The following CPED1 variants were observed in gnomAD, a reference collection of about 807,000 sequenced individuals.
CPED1 encodes cadherin like and PC-esterase domain containing 1.
Under a neutral mutation model 128.2 loss-of-function variants are expected in CPED1, and 114 were observed. The observed-to-expected ratio is 0.89, with a 90% CI of 0.76 to 1.04. The LOEUF (loss-of-function observed/expected upper bound fraction) is 1.04, where lower values mean the gene tolerates loss of function less well. CPED1 is among the 50% of genes least tolerant of loss of function. The pLI, the probability that CPED1 is intolerant of heterozygous loss-of-function variation, is 0.00. For missense variants in CPED1, 1,211 were observed against 1,207.1 expected (o/e 1.00, Z -0.05); for synonymous variants, 462 against 426.7 (o/e 1.08, Z -1.02).
intron 7 of CPED1, among the ~76,000 whole-genome samples, chr7:121,120,591 G>A (rs1029319250): frequency 1.3e-5 from 2 of 151,956 alleles, no homozygotes; most frequent in Non-Finnish European, 2.9e-5. Flanking sequence ...ATTCTGCTCC[G>A]GTTTCTCATT....
intron 18 of CPED1, among the ~76,000 whole-genome samples, chr7:121,265,165 G>A (rs1431377169): frequency 6.6e-6 from 1 of 152,034 alleles, no homozygotes; most frequent in Non-Finnish European, 1.5e-5. Context: ...AGCAGATGTT[G>A]AATGCAAATC....
chr7:121,112,447 G>A (rs979425185), intron 7 of CPED1, among the ~76,000 whole-genome samples: 3 of 147,562 alleles, frequency 2.0e-5, no homozygotes, highest in South Asian at 2.2e-4. Flanking sequence ...AAGACAGACA[G>A]TAGAGTTTTG....
Position 121,105,034 on chromosome 7 carries a change from A to G in CPED1, c.918+4940A>G, listed in dbSNP as rs960779151. The stretch of plus-strand genomic sequence containing the variant: ...AAGTCAGATTTGTAAGTTCTAAATC[A>G]CCAGCTCTCTACCACCGCTGCACTG... On this transcript the variant is annotated intron_variant, in intron 7 of 22. Coordinates refer to ENST00000310396, the MANE Select transcript of CPED1 (RefSeq NM_024913.5). Among the ~76,000 whole-genome samples, 27 of 152,206 alleles carry G rather than the reference A, an allele frequency of 1.8e-4. 1 individual carries two copies. Among genetic ancestry groups the G allele is most frequent in the African/African-American group, 6.5e-4 (27 of 41,552 alleles).
At chr7:121,057,761 T>G (rs1793538440) in intron 4 of CPED1, among the ~76,000 whole-genome samples, 1 of 152,212 alleles carries the variant, frequency 6.6e-6, no homozygotes, top group South Asian at 2.1e-4. Flanking sequence ...AGCTCTACTT[T>G]AGGTGCTGGG....
At chr7:121,079,778 A>G (rs1794235973) in intron 5 of CPED1, among the ~76,000 whole-genome samples, 2 of 152,188 alleles carry the variant, frequency 1.3e-5, no homozygotes, top group Admixed American at 6.5e-5. Flanking sequence ...CTGATTTGGG[A>G]AATTTTATGT....
intron 16 of CPED1, among the ~76,000 whole-genome samples, chr7:121,203,878 C>T (rs1158197932): frequency 1.3e-5 from 2 of 152,048 alleles, no homozygotes; most frequent in Non-Finnish European, 1.5e-5. Flanking sequence ...TTGTCAGTTG[C>T]GTGTCACATG....
At chr7:121,224,787 C>CTTTTTT (rs143087799) in intron 16 of CPED1, among the ~76,000 whole-genome samples, 3 of 56,252 alleles carry the variant, frequency 5.3e-5, no homozygotes, top group African/African-American at 7.6e-5. Context: ...GCAACCCCTG[C>CTTTTTT]TTTTTTTTTT....
At chr7:121,007,566 C>G (rs1008884651) in intron 2 of CPED1, among the ~76,000 whole-genome samples, 4 of 152,110 alleles carry the variant, frequency 2.6e-5, no homozygotes, top group African/African-American at 9.7e-5. Flanking sequence ...TAATTTCTAG[C>G]CTGGGATGTC....
chr7:121,050,468 T>TG (rs1032079249), intron 4 of CPED1: 1 of 148,210 alleles, frequency 6.7e-6, no homozygotes, highest in African/African-American at 2.5e-5. Flanking sequence ...AGGTTTTTTT[T>TG]TTTTTTTTTT....
At chr7:121,031,774 G>T (rs1313260457) in intron 3 of CPED1, among the ~76,000 whole-genome samples, 3 of 152,034 alleles carry the variant, frequency 2.0e-5, no homozygotes, top group Non-Finnish European at 4.4e-5. Context: ...CACATCAGTT[G>T]AAAATATATT....
chr7:121,128,596 AGAAAT>A, intron 11 of CPED1, 110 bp downstream of exon 11: 1 of 644,414 alleles, frequency 1.6e-6, no homozygotes, highest in Non-Finnish European at 2.8e-6. Context: ...TTTAAGAAAT[AGAAAT>A]CTTTATAAGC....
chr7:121,071,491 A>G (rs1793988622), intron 5 of CPED1, among the ~76,000 whole-genome samples: 1 of 152,014 alleles, frequency 6.6e-6, no homozygotes, highest in African/African-American at 2.4e-5. Flanking sequence ...TTTTCAACAT[A>G]TCTTTGCTAC....
chr7:121,158,431 C>A (rs10227584), intron 16 of CPED1, among the ~76,000 whole-genome samples: 2,840 of 152,252 alleles, frequency 0.019, 85 homozygotes, highest in African/African-American at 0.064. Flanking sequence ...CAGCTTCTCA[C>A]CCCCTTTCAT....
intron 9 of CPED1, 87 bp downstream of exon 9, chr7:121,125,979 G>T: frequency 1.0e-6 from 1 of 968,110 alleles, no homozygotes. Context: ...TTCATTCATA[G>T]TAACCAATCA....
chr7:121,096,733 C>T (rs562645235), intron 5 of CPED1, among the ~76,000 whole-genome samples: 111 of 152,004 alleles, frequency 7.3e-4, no homozygotes, highest in African/African-American at 2.0e-3. Flanking sequence ...TATTTAATGA[C>T]GCACCCTAAG....
intron 22 of CPED1, among the ~76,000 whole-genome samples, chr7:121,291,376 T>C (rs1375949567): frequency 2.0e-5 from 3 of 152,248 alleles, no homozygotes; most frequent in Non-Finnish European, 4.4e-5. Context: ...ATTGAATCTA[T>C]AAATTACTTT....
At chr7:121,263,969 G>T (rs1328429541) in intron 18 of CPED1, among the ~76,000 whole-genome samples, 2 of 152,000 alleles carry the variant, frequency 1.3e-5, no homozygotes, top group African/African-American at 4.8e-5. Flanking sequence ...ACCTCATAAT[G>T]TGCCTGTATT....
chr7:121,113,237 A>G (rs1173041327), intron 7 of CPED1, among the ~76,000 whole-genome samples: 1 of 152,204 alleles, frequency 6.6e-6, no homozygotes, highest in African/African-American at 2.4e-5. Context: ...CTGTTTGGAA[A>G]TCCCTACTAT....
chr7:120,991,045 T>G (rs1253570214), intron 2 of CPED1, among the ~76,000 whole-genome samples: 1 of 152,248 alleles, frequency 6.6e-6, no homozygotes, highest in Non-Finnish European at 1.5e-5. Flanking sequence ...GCTATCAAGC[T>G]GCTTGGTTCC....
Sources: gnomAD v4.1 joint callset for allele counts (sites outside exome capture counted in the v4.1 genomes callset) on GRCh38, gnomAD v4.1.1 for gene constraint, MANE v1.5 for transcripts, NCBI Gene and HGNC (gene_info 2026-07-23, HGNC 2026-07-21) for gene names.